KCNQ5: variants seen among roughly 807,000 people sequenced by gnomAD.
The protein encoded by KCNQ5 is potassium voltage-gated channel subfamily Q member 5.
Under a neutral mutation model 98.2 loss-of-function variants are expected in KCNQ5, and 30 were observed. That is an observed-to-expected ratio of 0.31 (90% confidence interval 0.23 to 0.41). The LOEUF is 0.41. KCNQ5 is among the 10% of genes least tolerant of loss of function. KCNQ5 has a pLI of 1.00. For synonymous variants in KCNQ5, 458 were observed against 449.4 expected, an observed-to-expected ratio of 1.02 and a Z score of -0.24; for missense variants, 835 against 1,182.5, an observed-to-expected ratio of 0.71 and a Z score of 4.31.
At chr6:72,770,833 C>G (rs1185717512) in intron 1 of KCNQ5, among the ~76,000 whole-genome samples, 1 of 152,058 alleles carries the variant, frequency 6.6e-6, no homozygotes, top group East Asian at 1.9e-4. Flanking sequence ...ATATTAGCCC[C>G]TAAAAGTTTT....
At chr6:73,023,313 A>G (rs141837560) in intron 2 of KCNQ5, among the ~76,000 whole-genome samples, 6 of 152,252 alleles carry the variant, frequency 3.9e-5, no homozygotes, top group African/African-American at 1.4e-4. Context: ...GTGTTCGACA[A>G]TTTCAGAGGA....
intron 1 of KCNQ5, among the ~76,000 whole-genome samples, chr6:72,909,611 G>A (rs1404197617): frequency 6.6e-6 from 1 of 152,186 alleles, no homozygotes; most frequent in Non-Finnish European, 1.5e-5. Context: ...AGCAGTTCAA[G>A]AGGATGTTTT....
chr6:72,793,987 G>C (rs1774196389), intron 1 of KCNQ5, among the ~76,000 whole-genome samples: 1 of 152,240 alleles, frequency 6.6e-6, no homozygotes, highest in Non-Finnish European at 1.5e-5. Context: ...CATTGCTGGA[G>C]TGTTAGAATT....
intron 1 of KCNQ5, among the ~76,000 whole-genome samples, chr6:72,639,005 C>T (rs373384290): frequency 7.2e-5 from 11 of 152,096 alleles, no homozygotes; most frequent in East Asian, 5.8e-4. Context: ...ACTGTGACCA[C>T]GCAGAAGTTA....
chr6:72,658,578 A>ATATATATATATATATATATTTTT (rs1226386362), intron 1 of KCNQ5, among the ~76,000 whole-genome samples: 1 of 76,380 alleles, frequency 1.3e-5, no homozygotes, highest in African/African-American at 4.4e-5. Flanking sequence ...ATATATATAT[A>ATATATATATATATATATATTTTT]TTTTTTTTTT....
intron 1 of KCNQ5, among the ~76,000 whole-genome samples, chr6:72,830,323 A>G (rs1271810975): frequency 6.6e-6 from 1 of 152,170 alleles, no homozygotes; most frequent in South Asian, 2.1e-4. Context: ...ACACTACCTA[A>G]CTTCAAACTA....
chr6:72,972,196 A>G (rs1056227337), intron 1 of KCNQ5, among the ~76,000 whole-genome samples: 1 of 152,176 alleles, frequency 6.6e-6, no homozygotes, highest in Non-Finnish European at 1.5e-5. Flanking sequence ...GCAATCTGCC[A>G]TGCCAGAAAG....
At chr6:72,674,036 GTTATA>G (rs997652367) in intron 1 of KCNQ5, among the ~76,000 whole-genome samples, 1 of 151,876 alleles carries the variant, frequency 6.6e-6, no homozygotes, top group Non-Finnish European at 1.5e-5. Context: ...TTCATTATTT[GTTATA>G]TTATAATAAA....
intron 7 of KCNQ5, among the ~76,000 whole-genome samples, chr6:73,111,614 T>C (rs540887632): frequency 6.6e-6 from 1 of 152,334 alleles, no homozygotes; most frequent in African/African-American, 2.4e-5. Context: ...TTTTAGCAAA[T>C]GGTCCATGCA....
intron 3 of KCNQ5, chr6:73,042,286 GGC>G: frequency 1.8e-6 from 1 of 568,168 alleles, no homozygotes; most frequent in South Asian, 2.0e-5. Context: ...AAGAATTTGA[GGC>G]AAAGAGAGAC....
chr6:73,038,535 A>G (rs1443381382), intron 2 of KCNQ5, among the ~76,000 whole-genome samples: 3 of 152,082 alleles, frequency 2.0e-5, no homozygotes, highest in Non-Finnish European at 4.4e-5. Flanking sequence ...TTAAACTGTT[A>G]AACCTCTTTT....
At chr6:72,797,721 C>A (rs1350850576) in intron 1 of KCNQ5, among the ~76,000 whole-genome samples, 1 of 151,948 alleles carries the variant, frequency 6.6e-6, no homozygotes, top group Admixed American at 6.6e-5. Flanking sequence ...TGGCTTAGTG[C>A]ATGAGTTATA....
chr6:72,987,443 T>C lies in KCNQ5; in HGVS notation c.399-16465T>C. On this transcript the variant is annotated intron_variant, in intron 1 of 13. Transcript: ENST00000370398. Reference sequence around the variant, plus strand: ...CCTAGTTTGGCCAGTGGGATACTGCTGGTTTTGACAACGAGGAACAGAAAC... The same window carrying C: ...CCTAGTTTGGCCAGTGGGATACTGCCGGTTTTGACAACGAGGAACAGAAAC... 4.4e-6 allele frequency: 3 copies of C among 684,012 alleles called. 1 individual carries two copies. The highest frequency in any genetic ancestry group is 1.8e-5 in the Admixed American group (1 of 56,066). 42.4% of individuals were successfully genotyped at this position (684,012 alleles called of 1,614,324 possible).
chr6:72,842,907 T>C (rs1409878896), intron 1 of KCNQ5, among the ~76,000 whole-genome samples: 2 of 152,228 alleles, frequency 1.3e-5, no homozygotes, highest in African/African-American at 4.8e-5. Flanking sequence ...GATGGATAGA[T>C]TGCAAAAATT....
At chr6:72,775,916 A>T (rs1314479719) in intron 1 of KCNQ5, among the ~76,000 whole-genome samples, 1 of 152,176 alleles carries the variant, frequency 6.6e-6, no homozygotes, top group Non-Finnish European at 1.5e-5. Context: ...AGTATCCTGG[A>T]TGGGATCCTA....
At chr6:72,742,816 A>G (rs1351121615) in intron 1 of KCNQ5, among the ~76,000 whole-genome samples, 1 of 152,198 alleles carries the variant, frequency 6.6e-6, no homozygotes, top group Non-Finnish European at 1.5e-5. Context: ...AAATGCAGAA[A>G]TGAACATAAT....
intron 1 of KCNQ5, among the ~76,000 whole-genome samples, chr6:72,852,445 T>C (rs1000544729): frequency 6.6e-6 from 1 of 151,078 alleles, no homozygotes; most frequent in African/African-American, 2.4e-5. Context: ...AATAATGAAA[T>C]CCTGTCATTT....
At chr6:73,032,236 C>T (rs568248390) in intron 2 of KCNQ5, among the ~76,000 whole-genome samples, 1 of 152,282 alleles carries the variant, frequency 6.6e-6, no homozygotes, top group African/African-American at 2.4e-5. Flanking sequence ...ATTTTGATCT[C>T]GGCTCACTGC....
chr6:73,047,184 T>A (rs879375216), intron 3 of KCNQ5, among the ~76,000 whole-genome samples: 2 of 152,222 alleles, frequency 1.3e-5, no homozygotes, highest in Non-Finnish European at 2.9e-5. Context: ...AAGAACATGA[T>A]ACTATTATGC....
Sources: allele counts gnomAD v4.1 joint callset (sites outside exome capture counted in the v4.1 genomes callset), GRCh38; gene constraint gnomAD v4.1.1; transcripts MANE v1.5; gene names NCBI Gene and HGNC (gene_info 2026-07-23, HGNC 2026-07-21).